Variants in SPINT1 observed in about 807,000 individuals in gnomAD.
SPINT1 encodes kunitz-type protease inhibitor 1.
SPINT1 carries 38 observed loss-of-function variants against 53.7 expected under a neutral mutation model. The observed-to-expected ratio is 0.71, with a 90% CI of 0.55 to 0.93. SPINT1 has a LOEUF of 0.93. Ranked by LOEUF, SPINT1 falls within the 40% of genes least tolerant of loss-of-function variation. SPINT1 has a pLI of 0.00. For missense variants in SPINT1, 645 were observed against 692.9 expected, an observed-to-expected ratio of 0.93 and a Z score of 0.78; for synonymous variants, 283 against 280.6, an observed-to-expected ratio of 1.01 and a Z score of -0.08.
chr15:40,846,586 G>A (rs1891306100), intron 2 of SPINT1, among the ~76,000 whole-genome samples: 1 of 152,124 alleles, frequency 6.6e-6, no homozygotes, highest in East Asian at 1.9e-4. Context: ...CCATCTCTCT[G>A]GTAAAAACCT....
chr15:40,849,676 G>A (rs767533084), intron 2 of SPINT1, among the ~76,000 whole-genome samples: 1 of 152,222 alleles, frequency 6.6e-6, no homozygotes, highest in Non-Finnish European at 1.5e-5. Context: ...TTTGGAGAGA[G>A]CATTTGCTGT....
intron 2 of SPINT1, among the ~76,000 whole-genome samples, chr15:40,852,550 T>A (rs1042485469): frequency 6.6e-6 from 1 of 151,938 alleles, no homozygotes; most frequent in Non-Finnish European, 1.5e-5. Flanking sequence ...CGGGACCCCT[T>A]GTAACTGGAG....
rs757233557 is a variant in SPINT1, at chr15:40,853,118, C to T, written c.476-6C>T. 1.6e-5 allele frequency: 26 copies of T among 1,613,014 alleles called. No homozygotes were observed. Among genetic ancestry groups the T allele is most frequent in the East Asian group, 1.6e-4 (7 of 44,880 alleles). ...TTGACCTTATCTCACTTTCTCTCCC[C>T]GCCAGGGTCTGGGATCCCCAAGGCC... is the stretch of plus-strand genomic sequence containing the variant. On this transcript the variant is annotated splice_polypyrimidine_tract_variant and splice_region_variant and intron_variant, in intron 2 of 10. Transcript: ENST00000562057.
intron 8 of SPINT1, among the ~76,000 whole-genome samples, chr15:40,855,105 G>C (rs1174244678): frequency 6.6e-6 from 1 of 152,176 alleles, no homozygotes; most frequent in African/African-American, 2.4e-5. Context: ...AGCTTGCCAG[G>C]CGTGGTGGCT....
Position 40,844,473 on chromosome 15 carries a change from C to A in SPINT1, c.-65-17C>A. The A allele has an allele frequency of 7.3e-7, 1 of 1,374,058 alleles. No homozygotes were observed. Among genetic ancestry groups the A allele is most frequent in the Non-Finnish European group, 1.0e-6 (1 of 968,018 alleles). The allele number at this position is 1,374,058 out of a possible 1,614,324, so 85.1% of individuals were successfully genotyped here. On this transcript the variant is annotated splice_polypyrimidine_tract_variant and intron_variant, in intron 1 of 10. Transcript: ENST00000562057. The surrounding 1 kb of genome is among the most constrained non-coding windows in gnomAD (Gnocchi z 5.8). ...GATCAGGTGTGTCTCCTCCTCTGTC[C>A]CCTCCCTTCTTCTCAGGTCACCAGC... is the stretch of plus-strand genomic sequence containing the variant.
rs1318427111 is a variant in SPINT1 at position 40,853,625 on chromosome 15, A to T, written c.740A>T (p.Glu247Val). ...ACTGTGCTGTCCACCAAGCAGACAG[A>T]AGGTGAGGGAGGGGTGAGGAGCAGC... is the stretch of plus-strand genomic sequence containing the variant. Reference protein sequence around the residue: ...TVTVLSTKQTEDYCLASNKVG... With the variant: ...TVTVLSTKQTVDYCLASNKVG... The change falls in exon 4 of 11, where the codon GAA becomes GTA. Residue 247 changes from glutamate to valine, a missense_variant and splice_region_variant. Transcript: ENST00000562057. 6.2e-7 allele frequency: 1 copy of T among 1,613,846 alleles called. No homozygotes were observed. The highest frequency in any genetic ancestry group is 1.1e-5 in the South Asian group (1 of 91,058).
chr15:40,853,023 G>T (rs1028701081), intron 2 of SPINT1, 101 bp from the exon 3 acceptor site: 1 of 1,490,082 alleles, frequency 6.7e-7, no homozygotes, highest in African/African-American at 1.4e-5. Flanking sequence ...TCCCAGTTTG[G>T]TCTAGGTGGG....
Position 40,845,048 on chromosome 15 carries a change from T to C in SPINT1, c.475+19T>C. On this transcript the variant is annotated intron_variant, in intron 2 of 10. Coordinates refer to ENST00000562057, the MANE Select transcript of SPINT1 (RefSeq NM_003710.4). Reference sequence around the variant, plus strand: ...TTTGGAGGTGAGGAGGGTGCCAAGATGGATGGGTTTGGAGAGACTCAAAAA... The same window carrying C: ...TTTGGAGGTGAGGAGGGTGCCAAGACGGATGGGTTTGGAGAGACTCAAAAA... The C allele has an allele frequency of 6.3e-7, 1 of 1,580,574 alleles. No individual in the cohort carries two copies. The highest frequency in any genetic ancestry group is 8.6e-7 in the Non-Finnish European group (1 of 1,163,368).
chr15:40,855,789 C>T, intron 8 of SPINT1, 103 bp from the exon 9 acceptor site: 1 of 1,315,490 alleles, frequency 7.6e-7, no homozygotes, highest in Non-Finnish European at 1.0e-6. Context: ...CTCCCTGAGC[C>T]ATGGCAGGTG....
chr15:40,853,299 C>T (rs749891465), intron 3 of SPINT1, 48 bp downstream of exon 3: 4 of 1,612,144 alleles, frequency 2.5e-6, no homozygotes, highest in Non-Finnish European at 2.5e-6. Flanking sequence ...TGCCAGCCTT[C>T]TTGGAGCCCC....
chr15:40,856,439 G>C, intron 10 of SPINT1, 116 bp downstream of exon 10: 2 of 1,323,364 alleles, frequency 1.5e-6, no homozygotes, highest in Non-Finnish European at 2.2e-6. Context: ...GTGGCCTATA[G>C]AGACAGAGTA....
rs1434412416 is a variant in SPINT1 at position 40,853,719 on chromosome 15, C to G, written c.751C>G (p.Leu251Val). ...TAAGCTCTCCCCCCTAGACTACTGC[C>G]TCGCATCCAACAAGGTGGGTCGCTG... The part of the protein sequence containing the change: ...LSTKQTEDYC[L>V]ASNKVGRCRG... The change falls in exon 5 of 11, where the codon CTC becomes GTC. Residue 251 changes from leucine (L) to valine (V), a missense_variant. Transcript: ENST00000562057. The G allele has an allele frequency of 6.2e-7, 1 of 1,614,138 alleles. No homozygotes were observed. The highest frequency in any genetic ancestry group is 1.1e-5 in the South Asian group (1 of 91,088).
intron 8 of SPINT1, 128 bp from the exon 9 acceptor site, chr15:40,855,764 G>A: frequency 1.0e-6 from 1 of 958,228 alleles, no homozygotes; most frequent in Non-Finnish European, 1.5e-6. Flanking sequence ...CAGGTGTTTT[G>A]GGGCCTCTCA....
At chr15:40,849,774 A>G (rs690467) in intron 2 of SPINT1, among the ~76,000 whole-genome samples, 95,953 of 152,136 alleles carry the variant, frequency 0.63, 34,757 homozygotes, top group Non-Finnish European at 0.78. Context: ...TCTGGTGTCA[A>G]CTTTCTCATC....
chr15:40,848,246 G>T (rs1005130796), intron 2 of SPINT1, among the ~76,000 whole-genome samples: 2 of 152,104 alleles, frequency 1.3e-5, no homozygotes, highest in South Asian at 4.1e-4. Context: ...GAATCCCTGA[G>T]ACTCGGCCTC....
In SPINT1 at chr15:40,844,376, CT is replaced by C; in HGVS notation, c.-65-113del. 1.4e-6 allele frequency: 1 copy of C among 726,922 alleles called. No individual in the cohort carries two copies. The highest frequency in any genetic ancestry group is 2.4e-6 in the Non-Finnish European group (1 of 418,208). 45.0% of individuals were successfully genotyped at this position (726,922 alleles called of 1,614,324 possible). A position where few individuals can be genotyped will look rare whatever the true frequency, so the allele number is the denominator to read the frequency against. ...CCGGGCCCGTGCGCCCTCTTCGATC[CT>C]GGGGTGCTCCGGTCCCTCCTCCCCG... On this transcript the variant is annotated intron_variant, in intron 1 of 10. Transcript: ENST00000562057. The surrounding 1 kb of genome is among the most constrained non-coding windows in gnomAD (Gnocchi z 5.8).
In SPINT1 at chr15:40,844,904, T is replaced by G; in HGVS notation, c.350T>G (p.Phe117Cys). Residue 117 changes from phenylalanine to cysteine, a missense_variant, in exon 2 of 11, where the codon TTC (phenylalanine) becomes TGC (cysteine). By Grantham distance (205) the Phe-to-Cys change is radical. Transcript: ENST00000562057. The surrounding 1 kb of genome is among the most constrained non-coding windows in gnomAD (Gnocchi z 5.8). ...DRGEDAIAAC[F>C]LINCLYEQNF... ...GGGGAGGACGCCATCGCCGCCTGCT[T>G]CCTCATCAACTGCCTCTACGAGCAG... The G allele has an allele frequency of 6.2e-7, 1 of 1,613,976 alleles. No individual in the cohort carries two copies. Among genetic ancestry groups the G allele is most frequent in the Non-Finnish European group, 8.5e-7 (1 of 1,180,026 alleles).
Position 40,858,011 on chromosome 15 carries a change from G to T in SPINT1, c.*1036G>T, listed in dbSNP as rs991422587. On this transcript the variant is annotated 3_prime_UTR_variant, in exon 11 of 11. Coordinates refer to ENST00000562057, the MANE Select transcript of SPINT1 (RefSeq NM_003710.4). ...CAGGCACCTTGGCTCCTACCTCCAT[G>T]TTAGGGCCCAGGTGACTAGCTGTCT... 11 of 152,274 alleles carry T rather than the reference G, an allele frequency of 7.2e-5. No homozygotes were observed. Among genetic ancestry groups the T allele is most frequent in the African/African-American group, 2.6e-4 (11 of 41,530 alleles). 9.4% of individuals were successfully genotyped at this position (152,274 alleles called of 1,614,324 possible).
Position 40,857,206 on chromosome 15 carries a change from G to C in SPINT1, c.*231G>C, listed in dbSNP as rs1046937240. On this transcript the variant is annotated 3_prime_UTR_variant, in exon 11 of 11. Coordinates refer to ENST00000562057, the MANE Select transcript of SPINT1 (RefSeq NM_003710.4). Reference sequence around the variant, plus strand: ...TTGGGCCAGAAGTACCAGACTAGATGGACCTGCCTGCATAGGAGTTTGGAG... The same window carrying C: ...TTGGGCCAGAAGTACCAGACTAGATCGACCTGCCTGCATAGGAGTTTGGAG... The C allele has an allele frequency of 3.3e-5, 20 of 599,588 alleles. No homozygotes were observed. In the African/African-American group the frequency reaches 3.7e-4, roughly 11 times the overall value. The allele number at this position is 599,588 out of a possible 1,614,324, so 37.1% of individuals were successfully genotyped here. A position where few individuals can be genotyped will look rare whatever the true frequency, so the allele number is the denominator to read the frequency against.
Sources: allele counts gnomAD v4.1 joint callset (sites outside exome capture counted in the v4.1 genomes callset), GRCh38; gene constraint gnomAD v4.1.1; non-coding constraint Gnocchi (gnomAD v3.1); transcripts MANE v1.5; gene names NCBI Gene and HGNC (gene_info 2026-07-23, HGNC 2026-07-21).